Variants in TLN2 observed in about 807,000 individuals in gnomAD.
TLN2 encodes talin 2, also known as talin-2.
A neutral mutation model predicts 294.7 loss-of-function variants in TLN2; 118 were observed. That is an observed-to-expected ratio of 0.40 (90% confidence interval 0.34 to 0.47). The LOEUF (loss-of-function observed/expected upper bound fraction) is 0.47. Ranked by LOEUF, TLN2 falls within the 20% of genes least tolerant of loss-of-function variation. The pLI, the probability that TLN2 is intolerant of heterozygous loss-of-function variation, is 0.84. For missense variants in TLN2, 3,083 were observed against 3,282.2 expected (o/e 0.94, Z 1.48); for synonymous variants, 1,431 against 1,304.5 (o/e 1.10, Z -2.09).
At chr15:62,536,879 A>C (rs978533520) in intron 1 of TLN2, among the ~76,000 whole-genome samples, 2 of 152,240 alleles carry the variant, frequency 1.3e-5, no homozygotes, top group Non-Finnish European at 2.9e-5. Flanking sequence ...TAGCATATTC[A>C]TCACCTCAAA....
At chr15:62,422,023 G>A (rs771400626) in intron 1 of TLN2, among the ~76,000 whole-genome samples, 13 of 151,866 alleles carry the variant, frequency 8.6e-5, no homozygotes, top group Non-Finnish European at 1.8e-4. Flanking sequence ...CACTTTGGGA[G>A]GCCGAGGCAG....
chr15:62,514,654 C>T (rs564885932), intron 1 of TLN2, among the ~76,000 whole-genome samples: 209 of 152,290 alleles, frequency 1.4e-3, no homozygotes, highest in African/African-American at 4.8e-3. Flanking sequence ...TATTTCAAAA[C>T]ATGGAAATTA....
chr15:62,553,484 C>CA (rs1251856288), intron 1 of TLN2, among the ~76,000 whole-genome samples: 4 of 147,278 alleles, frequency 2.7e-5, no homozygotes, highest in Admixed American at 6.8e-5. Context: ...GACTCCGTCT[C>CA]AAAAAAAAGA....
chr15:62,823,290 T>C (rs1025249148), intron 54 of TLN2, among the ~76,000 whole-genome samples: 1 of 152,228 alleles, frequency 6.6e-6, no homozygotes, highest in Non-Finnish European at 1.5e-5. Context: ...ATAGGGCACA[T>C]TGCAATAACT....
intron 1 of TLN2, among the ~76,000 whole-genome samples, chr15:62,521,472 G>GT (rs199977955): frequency 2.7e-5 from 3 of 109,716 alleles, no homozygotes; most frequent in East Asian, 1.0e-3. Flanking sequence ...GGAGACAGTT[G>GT]GGGGGCAAGT....
chr15:62,652,187 G>A, intron 6 of TLN2, 53 bp downstream of exon 6: 1 of 1,448,318 alleles, frequency 6.9e-7, no homozygotes, highest in Non-Finnish European at 9.1e-7. Flanking sequence ...TTAATTACAG[G>A]CCTCTTCTTT....
At chr15:62,654,127 G>A (rs1285847777) in intron 7 of TLN2, among the ~76,000 whole-genome samples, 1 of 152,102 alleles carries the variant, frequency 6.6e-6, no homozygotes, top group Non-Finnish European at 1.5e-5. Flanking sequence ...ATTATTAATT[G>A]TGGTCACCAC....
intron 7 of TLN2, among the ~76,000 whole-genome samples, chr15:62,655,153 T>C (rs1424018122): frequency 6.6e-6 from 1 of 152,210 alleles, no homozygotes; most frequent in East Asian, 1.9e-4. Flanking sequence ...AAGGATTTAT[T>C]ATTATGTGCA....
chr15:62,467,784 G>A lies in TLN2; in HGVS notation c.-238+77099G>A, dbSNP rs2037227311. On this transcript the variant is annotated intron_variant, in intron 1 of 58. Transcript: ENST00000636159. ...TAGAACACAGAACTTCATAAAGGAA[G>A]GAAACCTCAGACTTGCTGTGAATGG... is the stretch of plus-strand genomic sequence containing the variant. Among the ~76,000 whole-genome samples, 3 of 152,304 alleles carry A rather than the reference G, an allele frequency of 2.0e-5. No individual in the cohort carries two copies. The South Asian group carries it at 6.2e-4, about 32-fold the overall frequency.
chr15:62,632,580 G>A (rs937442666), intron 3 of TLN2, among the ~76,000 whole-genome samples: 5 of 152,214 alleles, frequency 3.3e-5, no homozygotes, highest in African/African-American at 1.2e-4. Context: ...AGTGAGAGTT[G>A]CTGTGAGAGT....
At chr15:62,564,309 G>A (rs2043210439) in intron 1 of TLN2, among the ~76,000 whole-genome samples, 1 of 152,176 alleles carries the variant, frequency 6.6e-6, no homozygotes, top group East Asian at 1.9e-4. Flanking sequence ...GTGTTATGCT[G>A]GCAGGAGATT....
intron 1 of TLN2, among the ~76,000 whole-genome samples, chr15:62,469,988 A>G (rs1455223877): frequency 6.6e-6 from 1 of 152,188 alleles, no homozygotes; most frequent in Non-Finnish European, 1.5e-5. Context: ...GCGCATGCAC[A>G]TGTAAGTCCA....
At chr15:62,623,743 A>G (rs151129991) in intron 3 of TLN2, among the ~76,000 whole-genome samples, 108 of 152,212 alleles carry the variant, frequency 7.1e-4, no homozygotes, top group African/African-American at 2.4e-3. Flanking sequence ...TCCAGAACCT[A>G]TTTCCCTTTG....
chr15:62,544,725 GCT>G (rs1491345496), intron 1 of TLN2, among the ~76,000 whole-genome samples: 1 of 127,508 alleles, frequency 7.8e-6, no homozygotes, highest in Non-Finnish European at 1.6e-5. Context: ...GAGTAGAAAA[GCT>G]TTTTTTTTTT....
chr15:62,640,342 G>C, intron 3 of TLN2: 1 of 456,702 alleles, frequency 2.2e-6, no homozygotes, highest in South Asian at 1.5e-5. Context: ...TTCCCAGGAG[G>C]TCACGGTGGA....
At chr15:62,825,681 A>G (rs537278450) in intron 54 of TLN2, among the ~76,000 whole-genome samples, 10 of 139,434 alleles carry the variant, frequency 7.2e-5, no homozygotes, top group Admixed American at 2.4e-4. Context: ...GGTTTCACCC[A>G]GTCTCTACTA....
intron 2 of TLN2, among the ~76,000 whole-genome samples, chr15:62,593,471 A>G (rs1015381740): frequency 6.6e-6 from 1 of 152,210 alleles, no homozygotes; most frequent in Non-Finnish European, 1.5e-5. Context: ...TGCTGTTTCC[A>G]TGCATTTTTT....
At chr15:62,562,628 T>A (rs192184475) in intron 1 of TLN2, among the ~76,000 whole-genome samples, 2 of 152,060 alleles carry the variant, frequency 1.3e-5, no homozygotes, top group East Asian at 3.9e-4. Context: ...TTTCTGAGAT[T>A]TTGGTGCACC....
chr15:62,497,102 C>T (rs1036313022), intron 1 of TLN2, among the ~76,000 whole-genome samples: 3 of 152,160 alleles, frequency 2.0e-5, no homozygotes, highest in South Asian at 2.1e-4. Context: ...ATTTCTGACA[C>T]CCGTGGGAAT....
Sources: allele counts gnomAD v4.1 joint callset (sites outside exome capture counted in the v4.1 genomes callset), GRCh38; gene constraint gnomAD v4.1.1; transcripts MANE v1.5; gene names NCBI Gene and HGNC (gene_info 2026-07-23, HGNC 2026-07-21).